Variants in IGSF11 observed in about 807,000 individuals in gnomAD.
The protein encoded by IGSF11 is CXADR like 1.
In IGSF11, 22 loss-of-function variants were observed where a neutral mutation model predicts 41.0. That is an observed-to-expected ratio of 0.54 (90% CI 0.38 to 0.77). IGSF11 has a LOEUF of 0.77. Ranked by LOEUF, IGSF11 falls within the 30% of genes least tolerant of loss-of-function variation. The pLI, the probability that IGSF11 is intolerant of heterozygous loss-of-function variation, is 0.00. For synonymous variants in IGSF11, 219 were observed against 201.3 expected, an observed-to-expected ratio of 1.09 and a Z score of -0.74; for missense variants, 444 against 530.8, an observed-to-expected ratio of 0.84 and a Z score of 1.61.
At chr3:119,063,514 T>C (rs1410897191) in intron 1 of IGSF11, among the ~76,000 whole-genome samples, 2 of 151,642 alleles carry the variant, frequency 1.3e-5, no homozygotes, top group Non-Finnish European at 2.9e-5. Context: ...ACAGTGCAGG[T>C]ACCTAGAAAA....
intron 1 of IGSF11, among the ~76,000 whole-genome samples, chr3:119,051,662 A>C (rs1256477750): frequency 1.3e-5 from 2 of 152,198 alleles, no homozygotes; most frequent in Non-Finnish European, 2.9e-5. Context: ...CTACCCAACA[A>C]CTGCACAATA....
upstream of IGSF11, among the ~76,000 whole-genome samples, chr3:119,109,139 G>C (rs1271663653): frequency 1.4e-5 from 2 of 138,516 alleles, no homozygotes; most frequent in African/African-American, 5.3e-5. Context: ...TTTTTCTATT[G>C]ATTGGAATAG....
chr3:118,933,278 A>C (rs1942997364), intron 1 of IGSF11, among the ~76,000 whole-genome samples: 1 of 152,172 alleles, frequency 6.6e-6, no homozygotes, highest in Non-Finnish European at 1.5e-5. Context: ...CAAGTAACTT[A>C]ATCTCTGAGT....
chr3:119,090,365 C>T (rs991998958), intron 1 of IGSF11, among the ~76,000 whole-genome samples: 1 of 152,164 alleles, frequency 6.6e-6, no homozygotes, highest in African/African-American at 2.4e-5. Context: ...TCATCCTTCA[C>T]AGAATTAGAA....
chr3:119,048,807 G>GTGGGCT (rs1469924724), intron 1 of IGSF11, among the ~76,000 whole-genome samples: 1 of 152,012 alleles, frequency 6.6e-6, no homozygotes, highest in African/African-American at 2.4e-5. Flanking sequence ...CCATGATCAA[G>GTGGGCT]TGGGCTTCAT....
At chr3:119,104,089 A>G (rs900973345) in intron 1 of IGSF11, among the ~76,000 whole-genome samples, 1 of 152,192 alleles carries the variant, frequency 6.6e-6, no homozygotes, top group Non-Finnish European at 1.5e-5. Context: ...CATTTTTAAA[A>G]TAGAAATTTC....
intron 1 of IGSF11, among the ~76,000 whole-genome samples, chr3:119,066,949 C>A (rs1302259700): frequency 6.6e-6 from 1 of 152,210 alleles, no homozygotes; most frequent in Non-Finnish European, 1.5e-5. Context: ...TATGAGTCCA[C>A]ATTTTCCATT....
At chr3:119,016,092 G>C (rs867010939) in intron 1 of IGSF11, among the ~76,000 whole-genome samples, 1 of 152,214 alleles carries the variant, frequency 6.6e-6, no homozygotes. Context: ...TTGAGTAAGA[G>C]GCAGCATGGG....
rs771366024 is a variant in IGSF11, at chr3:118,905,721, G to A, written c.581-3C>T. The A allele has an allele frequency of 3.7e-6, 6 of 1,613,416 alleles. No homozygotes were observed. The highest frequency in any genetic ancestry group is 5.1e-6 in the Non-Finnish European group (6 of 1,179,580). ...GGTGACTGTTCCCTGGACCTGGTCT[G>A]TCACAAAAATAATAACCGAGTGAGG... is the stretch of plus-strand genomic sequence containing the variant. On this transcript the variant is annotated splice_polypyrimidine_tract_variant and splice_region_variant and intron_variant, in intron 4 of 6. Transcript: ENST00000393775.
rs1248090537 is a variant in IGSF11 at position 119,034,706 on chromosome 3, G to A, written c.-124C>T. On this transcript the variant is annotated 5_prime_UTR_variant, in exon 1 of 7. Transcript: ENST00000393775. ...CTCCCACACCCAGCGCCGGGCCGCT[G>A]TTCCCCGCGCAGAGCTGGGACTGTC... is the stretch of plus-strand genomic sequence containing the variant. 6.5e-6 allele frequency: 9 copies of A among 1,387,162 alleles called. No individual in the cohort carries two copies. In the East Asian group the frequency reaches 1.8e-4, roughly 27 times the overall value. 85.9% of individuals were successfully genotyped at this position (1,387,162 alleles called of 1,614,324 possible).
intron 1 of IGSF11, among the ~76,000 whole-genome samples, chr3:118,975,933 G>C (rs1186580032): frequency 6.6e-6 from 1 of 152,108 alleles, no homozygotes. Flanking sequence ...CTACCTGGGT[G>C]ACAGGATCAT....
chr3:119,112,427 C>G (rs1285802798), intron 1 of IGSF11, among the ~76,000 whole-genome samples: 1 of 152,124 alleles, frequency 6.6e-6, no homozygotes, highest in Non-Finnish European at 1.5e-5. Flanking sequence ...CCTGGTGTGC[C>G]GTTTCCTAAG....
chr3:118,980,431 TTA>T (rs1934594237), intron 1 of IGSF11, among the ~76,000 whole-genome samples: 1 of 152,194 alleles, frequency 6.6e-6, no homozygotes, highest in African/African-American at 2.4e-5. Context: ...ACAAAAAGTA[TTA>T]TGTGTTCTCA....
chr3:119,127,793 C>T (rs956339184), intron 1 of IGSF11, among the ~76,000 whole-genome samples: 5 of 152,136 alleles, frequency 3.3e-5, no homozygotes, highest in Admixed American at 1.3e-4. Flanking sequence ...AATTTCATAT[C>T]CAGCCAAATG....
intron 1 of IGSF11, among the ~76,000 whole-genome samples, chr3:119,094,779 C>G (rs2107499085): frequency 6.6e-6 from 1 of 151,450 alleles, no homozygotes; most frequent in East Asian, 2.0e-4. Context: ...TCAAGCCATT[C>G]TCCTGCCTCA....
At chr3:118,932,057 A>G (rs1942906385) in intron 1 of IGSF11, among the ~76,000 whole-genome samples, 2 of 152,146 alleles carry the variant, frequency 1.3e-5, no homozygotes, top group African/African-American at 4.8e-5. Flanking sequence ...TTTATACTTC[A>G]AAGGAGTAAT....
intron 1 of IGSF11, among the ~76,000 whole-genome samples, chr3:118,955,171 T>C (rs1341338775): frequency 6.6e-6 from 1 of 151,720 alleles, no homozygotes; most frequent in African/African-American, 2.4e-5. Context: ...TGCCCATCAA[T>C]CAATGAGTGG....
chr3:118,943,515 T>A (rs995729497), intron 1 of IGSF11, among the ~76,000 whole-genome samples: 2 of 152,232 alleles, frequency 1.3e-5, no homozygotes, highest in Non-Finnish European at 2.9e-5. Flanking sequence ...TTGTCTTTTA[T>A]TACAATGATA....
intron 1 of IGSF11, among the ~76,000 whole-genome samples, chr3:119,017,760 T>C (rs1051985159): frequency 6.6e-6 from 1 of 151,084 alleles, no homozygotes; most frequent in African/African-American, 2.4e-5. Context: ...AAGAACTGAG[T>C]TTTTTGTTTG....
Sources: allele counts gnomAD v4.1 joint callset (sites outside exome capture counted in the v4.1 genomes callset), GRCh38; gene constraint gnomAD v4.1.1; transcripts MANE v1.5; gene names NCBI Gene and HGNC (gene_info 2026-07-23, HGNC 2026-07-21).